CDH12: variants seen among roughly 807,000 people sequenced by gnomAD.
The protein encoded by CDH12 is cadherin-12.
A neutral mutation model predicts 74.1 loss-of-function variants in CDH12; 41 were observed. That is an observed-to-expected ratio of 0.55 (90% CI 0.43 to 0.72). CDH12 has a LOEUF of 0.72. CDH12 is among the 30% of genes least tolerant of loss of function. CDH12 has a pLI of 0.00. For missense variants in CDH12, 945 were observed against 977.2 expected, an observed-to-expected ratio of 0.97 and a Z score of 0.44; for synonymous variants, 399 against 355.0, an observed-to-expected ratio of 1.12 and a Z score of -1.39.
At chr5:21,971,284 G>C (rs575065375) in intron 6 of CDH12, among the ~76,000 whole-genome samples, 2 of 152,052 alleles carry the variant, frequency 1.3e-5, no homozygotes, top group African/African-American at 4.8e-5. Flanking sequence ...GACTAATTTG[G>C]TTCTAAAGCA....
At chr5:22,470,257 G>T (rs1325794519) in intron 2 of CDH12, among the ~76,000 whole-genome samples, 1 of 152,082 alleles carries the variant, frequency 6.6e-6, no homozygotes, top group African/African-American at 2.4e-5. Flanking sequence ...TTCTTATGTA[G>T]TTGGCTTAAA....
chr5:22,431,296 G>A (rs867744013), intron 2 of CDH12, among the ~76,000 whole-genome samples: 17 of 152,206 alleles, frequency 1.1e-4, no homozygotes, highest in South Asian at 4.1e-4. Context: ...AGTCCTATAC[G>A]TTTATGATGG....
chr5:21,945,752 T>TAA (rs199713707), intron 6 of CDH12, among the ~76,000 whole-genome samples: 21 of 149,238 alleles, frequency 1.4e-4, no homozygotes, highest in African/African-American at 3.2e-4. Flanking sequence ...AGAAAACTGA[T>TAA]AAAAAAAAAA....
intron 3 of CDH12, among the ~76,000 whole-genome samples, chr5:22,258,423 T>C (rs1753395781): frequency 1.3e-5 from 2 of 152,112 alleles, no homozygotes; most frequent in Admixed American, 1.3e-4. Context: ...AGCACAGGGC[T>C]AGCCTGGCCT....
At chr5:22,489,010 C>A (rs1334899276) in intron 2 of CDH12, among the ~76,000 whole-genome samples, 3 of 125,532 alleles carry the variant, frequency 2.4e-5, no homozygotes, top group Non-Finnish European at 5.1e-5. Context: ...CATTTTTTTT[C>A]TATTATTATG....
intron 4 of CDH12, among the ~76,000 whole-genome samples, chr5:22,196,533 CA>C (rs1580387479): frequency 6.6e-6 from 1 of 152,150 alleles, no homozygotes; most frequent in Admixed American, 6.5e-5. Context: ...ATCCTATAAA[CA>C]AGCCACATAT....
chr5:22,395,365 G>A (rs916145003), intron 3 of CDH12, among the ~76,000 whole-genome samples: 7 of 152,108 alleles, frequency 4.6e-5, no homozygotes, highest in African/African-American at 1.7e-4. Flanking sequence ...TGGAGGCATT[G>A]AGGCCCTGCC....
intron 4 of CDH12, among the ~76,000 whole-genome samples, chr5:22,093,244 C>T (rs563876174): frequency 2.3e-4 from 35 of 152,154 alleles, no homozygotes; most frequent in Non-Finnish European, 4.9e-4. Context: ...CAGACACTCT[C>T]TTAAGTGGCT....
chr5:21,910,108 C>A (rs1476090408), intron 6 of CDH12, among the ~76,000 whole-genome samples: 1 of 152,284 alleles, frequency 6.6e-6, no homozygotes, highest in South Asian at 2.1e-4. Flanking sequence ...CCCCATTTAG[C>A]ACTCAGGCCA....
intron 1 of CDH12, among the ~76,000 whole-genome samples, chr5:22,542,685 G>C (rs1738159732): frequency 6.6e-6 from 1 of 152,070 alleles, no homozygotes; most frequent in Non-Finnish European, 1.5e-5. Flanking sequence ...CTCATGAGGT[G>C]CAAGAGCAAT....
intron 2 of CDH12, among the ~76,000 whole-genome samples, chr5:22,486,217 T>C (rs890319244): frequency 2.6e-5 from 4 of 152,178 alleles, no homozygotes; most frequent in Non-Finnish European, 5.9e-5. Flanking sequence ...GTTCTAGTTA[T>C]AGTCTCAGAA....
At chr5:22,417,395 G>T (rs890949917) in intron 2 of CDH12, among the ~76,000 whole-genome samples, 2 of 152,166 alleles carry the variant, frequency 1.3e-5, no homozygotes, top group Non-Finnish European at 2.9e-5. Flanking sequence ...GGAGTGAGTT[G>T]CTGATAAAAG....
chr5:22,585,052 C>G (rs929465882), intron 1 of CDH12, among the ~76,000 whole-genome samples: 7 of 152,284 alleles, frequency 4.6e-5, no homozygotes, highest in Non-Finnish European at 1.0e-4. Context: ...TTAGACCTCT[C>G]TCCTATTCAG....
intron 3 of CDH12, among the ~76,000 whole-genome samples, chr5:22,352,013 A>T (rs961335080): frequency 1.3e-5 from 2 of 152,198 alleles, no homozygotes; most frequent in South Asian, 2.1e-4. Context: ...TTAATTTTTG[A>T]TGCCACTATT....
At chr5:22,676,196 T>A (rs1374998051) in intron 1 of CDH12, among the ~76,000 whole-genome samples, 2 of 152,062 alleles carry the variant, frequency 1.3e-5, no homozygotes, top group African/African-American at 4.8e-5. Flanking sequence ...TAATATTTGA[T>A]AAATAAGGTA....
chr5:21,920,754 C>T (rs1011941164), intron 6 of CDH12, among the ~76,000 whole-genome samples: 7 of 151,872 alleles, frequency 4.6e-5, no homozygotes, highest in African/African-American at 1.4e-4. Flanking sequence ...AACAACGTAA[C>T]ATCTTAGGAT....
chr5:22,319,647 A>G (rs1344405743), intron 3 of CDH12, among the ~76,000 whole-genome samples: 1 of 152,168 alleles, frequency 6.6e-6, no homozygotes, highest in Non-Finnish European at 1.5e-5. Context: ...GACTAATAAC[A>G]TATTTTTCAA....
rs1747795414 is a variant in CDH12 at position 22,789,340 on chromosome 5, CATAAT to C, written c.-523+63713_-523+63717del. On this transcript the variant is annotated intron_variant, in intron 1 of 14. Transcript: ENST00000382254. ...GTTTGAAGTTCTGGAATTAAAGTGA[CATAAT>C]AAAGAACAAAAAAATTGTAATATAG... Among the ~76,000 whole-genome samples the C allele has an allele frequency of 2.0e-5, 3 of 151,672 alleles. No individual in the cohort carries two copies. In the South Asian group the frequency reaches 6.2e-4, roughly 31 times the overall value.
intron 1 of CDH12, among the ~76,000 whole-genome samples, chr5:22,527,528 G>T (rs920286463): frequency 2.6e-5 from 4 of 152,104 alleles, no homozygotes; most frequent in African/African-American, 9.7e-5. Context: ...TGAGTGTGCT[G>T]CCCATTATGG....
Sources: allele counts gnomAD v4.1 joint callset (sites outside exome capture counted in the v4.1 genomes callset), GRCh38; gene constraint gnomAD v4.1.1; transcripts MANE v1.5; gene names NCBI Gene and HGNC (gene_info 2026-07-23, HGNC 2026-07-21).